The following UBE2E3 variants were observed in gnomAD, a reference collection of about 807,000 sequenced individuals.
UBE2E3 encodes ubiquitin-conjugating enzyme E2 E3.
Under a neutral mutation model 23.6 loss-of-function variants are expected in UBE2E3, and 5 were observed. The ratio of observed to expected loss-of-function variants is 0.21; its 90% CI spans 0.11 to 0.44. UBE2E3 has a LOEUF of 0.44. Among genes scored for constraint, UBE2E3 ranks in the 20% least tolerant of loss-of-function variants. UBE2E3 has a pLI of 0.99. For synonymous variants in UBE2E3, 78 were observed against 87.5 expected (o/e 0.89, Z 0.60); for missense variants, 81 against 249.8 (o/e 0.32, Z 4.55).
chr2:180,996,026 ATGAT>A (rs1221534542), intron 3 of UBE2E3, among the ~76,000 whole-genome samples: 3 of 152,048 alleles, frequency 2.0e-5, no homozygotes, highest in Non-Finnish European at 2.9e-5. Flanking sequence ...CCTTTTCAGA[ATGAT>A]TGTCACTTCA....
rs115828109 is a variant in UBE2E3, at chr2:181,034,533, G to T, written c.246-23160G>T. 4.6e-5 allele frequency among the ~76,000 whole-genome samples: 7 copies of T among 152,272 alleles called. No homozygotes were observed. In the South Asian group the frequency reaches 6.2e-4, roughly 14 times the overall value. On this transcript the variant is annotated intron_variant, in intron 3 of 5. Transcript: ENST00000410062. ...CACACACCGGGACCTACCGTGGGGT[G>T]GGGGGAGCGGGGAGAGATAGCATTA...
At position 181,056,099 on chromosome 2, in the gene UBE2E3, A is replaced by G. The variant is rs955878651; in HGVS notation, c.246-1594A>G. Among the ~76,000 whole-genome samples, 7 of 141,102 alleles carry G rather than the reference A, an allele frequency of 5.0e-5. No homozygotes were observed. The East Asian group carries it at 1.5e-3, about 30-fold the overall frequency. The allele number at this position is 141,102 out of a possible 152,430, so 92.6% of individuals were successfully genotyped here. A position where few individuals can be genotyped will look rare whatever the true frequency, so the allele number is the denominator to read the frequency against. On this transcript the variant is annotated intron_variant, in intron 3 of 5. Transcript: ENST00000410062. The stretch of plus-strand genomic sequence containing the variant: ...AAATGCTTAAAAAAAAAAAAAAAAA[A>G]GATGCTAACATGTTGCAAGGATATA...
At chr2:181,011,356 A>G (rs1446563868) in intron 3 of UBE2E3, among the ~76,000 whole-genome samples, 1 of 152,074 alleles carries the variant, frequency 6.6e-6, no homozygotes, top group South Asian at 2.1e-4. Flanking sequence ...AGGGAGAGAT[A>G]ACTGCACACA....
chr2:181,034,412 C>T (rs1574204727), intron 3 of UBE2E3, among the ~76,000 whole-genome samples: 1 of 152,184 alleles, frequency 6.6e-6, no homozygotes, highest in Non-Finnish European at 1.5e-5. Flanking sequence ...TCATTCTCAG[C>T]AAACTGTTGC....
Position 181,012,229 on chromosome 2 carries a change from A to G in UBE2E3, c.245+28136A>G, listed in dbSNP as rs538685125. 2.6e-5 allele frequency among the ~76,000 whole-genome samples: 4 copies of G among 152,300 alleles called. No individual in the cohort carries two copies. The East Asian group carries it at 7.7e-4, about 29-fold the overall frequency. The stretch of plus-strand genomic sequence containing the variant: ...TTAACAACACTGATTAGTTTCAGTA[A>G]ATGTACATGTATAACAAAGTATACA... On this transcript the variant is annotated intron_variant, in intron 3 of 5. Coordinates refer to ENST00000410062, the MANE Select transcript of UBE2E3 (RefSeq NM_006357.4).
chr2:180,981,043 G>A (rs1319630566), intron 1 of UBE2E3, 70 bp downstream of exon 1: 1 of 146,722 alleles, frequency 6.8e-6, no homozygotes, highest in Non-Finnish European at 1.5e-5. Context: ...GGAGGGGGCG[G>A]GGGCGGGCAG....
chr2:181,039,063 A>T (rs1034118001), intron 3 of UBE2E3, among the ~76,000 whole-genome samples: 4 of 150,858 alleles, frequency 2.7e-5, no homozygotes, highest in Admixed American at 2.6e-4. Flanking sequence ...GTTACTGGTT[A>T]AATTACATCC....
intron 3 of UBE2E3, among the ~76,000 whole-genome samples, chr2:181,040,020 T>C (rs1268822451): frequency 6.6e-6 from 1 of 152,216 alleles, no homozygotes; most frequent in East Asian, 1.9e-4. Flanking sequence ...GTAGAACCCA[T>C]GGGTACAGAG....
intron 3 of UBE2E3, among the ~76,000 whole-genome samples, chr2:181,054,763 G>C (rs10171998): frequency 0.78 from 118,022 of 151,572 alleles, 46,239 homozygotes; most frequent in East Asian, 0.91. Context: ...CATATTGGTG[G>C]TATTGGGAGC....
At chr2:180,999,246 C>T (rs540534722) in intron 3 of UBE2E3, among the ~76,000 whole-genome samples, 3 of 152,224 alleles carry the variant, frequency 2.0e-5, no homozygotes, top group Non-Finnish European at 2.9e-5. Context: ...AGTACTCTGA[C>T]GTTCCACAGT....
At chr2:181,054,499 G>A (rs193087798) in intron 3 of UBE2E3, among the ~76,000 whole-genome samples, 48 of 151,362 alleles carry the variant, frequency 3.2e-4, no homozygotes, top group African/African-American at 1.1e-3. Flanking sequence ...AGTTTGAACA[G>A]TTTTTCATAC....
At chr2:181,050,047 A>C (rs1169915246) in intron 3 of UBE2E3, among the ~76,000 whole-genome samples, 1 of 152,038 alleles carries the variant, frequency 6.6e-6, no homozygotes, top group Non-Finnish European at 1.5e-5. Flanking sequence ...CCAATAAGTT[A>C]CACAAGCATT....
chr2:181,058,399 G>C (rs556802597), intron 4 of UBE2E3, among the ~76,000 whole-genome samples: 1 of 151,534 alleles, frequency 6.6e-6, no homozygotes, highest in African/African-American at 2.4e-5. Context: ...GAATTAGATG[G>C]ATAACAGAGA....
intron 3 of UBE2E3, chr2:180,987,401 G>A (rs2105569062): frequency 1.3e-6 from 2 of 1,549,724 alleles, no homozygotes; most frequent in South Asian, 2.4e-5. Context: ...AAAGGTACTG[G>A]ATTTCTAACT....
At chr2:181,017,784 G>A (rs1685542937) in intron 3 of UBE2E3, among the ~76,000 whole-genome samples, 1 of 146,778 alleles carries the variant, frequency 6.8e-6, no homozygotes, top group South Asian at 2.3e-4. Context: ...GACTTACCTT[G>A]TCTTTCAGCT....
rs535975923 is a variant in UBE2E3, at chr2:181,009,263, C to G, written c.245+25170C>G. Among the ~76,000 whole-genome samples the G allele has an allele frequency of 2.6e-5, 4 of 152,162 alleles. No homozygotes were observed. The East Asian group carries it at 7.7e-4, about 29-fold the overall frequency. Reference sequence around the variant, plus strand: ...CTAAGAGATTGGACACATTATAAAACAAATAACTGAAAATCAGTGACCTTT... The same window carrying G: ...CTAAGAGATTGGACACATTATAAAAGAAATAACTGAAAATCAGTGACCTTT... On this transcript the variant is annotated intron_variant, in intron 3 of 5. Transcript: ENST00000410062.
intron 3 of UBE2E3, among the ~76,000 whole-genome samples, chr2:181,044,364 T>C (rs1276542786): frequency 2.0e-5 from 3 of 152,088 alleles, no homozygotes; most frequent in African/African-American, 4.8e-5. Context: ...AAGCGATAAA[T>C]ATATATAGTT....
chr2:181,028,533 C>G (rs1685969921), intron 3 of UBE2E3, among the ~76,000 whole-genome samples: 1 of 152,080 alleles, frequency 6.6e-6, no homozygotes, highest in South Asian at 2.1e-4. Flanking sequence ...TGCAATAGTT[C>G]TCTTTGCGCT....
At chr2:181,022,176 A>T (rs773610217) in intron 3 of UBE2E3, among the ~76,000 whole-genome samples, 11 of 152,008 alleles carry the variant, frequency 7.2e-5, no homozygotes, top group Non-Finnish European at 1.3e-4. Context: ...TAAGTTTAGG[A>T]GTCAGACTGC....
Sources: allele counts gnomAD v4.1 joint callset (sites outside exome capture counted in the v4.1 genomes callset), GRCh38; gene constraint gnomAD v4.1.1; transcripts MANE v1.5; gene names NCBI Gene and HGNC (gene_info 2026-07-23, HGNC 2026-07-21).